ST7: variants seen among roughly 807,000 people sequenced by gnomAD.
ST7 encodes the protein suppression of tumorigenicity 7, also known as suppressor of tumorigenicity 7 protein.
ST7 carries 28 observed loss-of-function variants against 78.7 expected under a neutral mutation model. The observed-to-expected ratio is 0.36, with a 90% CI of 0.26 to 0.49. ST7 has a LOEUF of 0.49. Ranked by LOEUF, ST7 falls within the 20% of genes least tolerant of loss-of-function variation. ST7 has a pLI of 0.99. For synonymous variants in ST7, 247 were observed against 249.6 expected, an observed-to-expected ratio of 0.99 and a Z score of 0.10; for missense variants, 418 against 696.0, an observed-to-expected ratio of 0.60 and a Z score of 4.49.
intron 1 of ST7, chr7:117,020,687 C>T (rs1584464834): frequency 1.3e-6 from 2 of 1,548,482 alleles, no homozygotes; most frequent in East Asian, 4.9e-5. Context: ...GTCATGGTTT[C>T]ATTGGCTTAG....
At chr7:117,116,848 T>C (rs964148124) in intron 2 of ST7, among the ~76,000 whole-genome samples, 1 of 152,218 alleles carries the variant, frequency 6.6e-6, no homozygotes, top group Non-Finnish European at 1.5e-5. Context: ...ACAAAGCAAA[T>C]GTCCAGTTAA....
intron 9 of ST7, among the ~76,000 whole-genome samples, chr7:117,154,240 T>G (rs1358200934): frequency 1.3e-5 from 2 of 152,130 alleles, no homozygotes; most frequent in Non-Finnish European, 2.9e-5. Context: ...GTTTGTGCCA[T>G]GTAAGGATAC....
chr7:117,064,204 A>G (rs1240897127), intron 1 of ST7, among the ~76,000 whole-genome samples: 1 of 152,102 alleles, frequency 6.6e-6, no homozygotes, highest in Non-Finnish European at 1.5e-5. Context: ...TTTCTTTTAT[A>G]TTATCCTACT....
intron 9 of ST7, among the ~76,000 whole-genome samples, chr7:117,142,442 A>G (rs1805400349): frequency 1.3e-5 from 2 of 151,900 alleles, no homozygotes; most frequent in Non-Finnish European, 2.9e-5. Context: ...CACCTACTAG[A>G]TGCCAATTGC....
chr7:117,209,900 A>G lies in ST7; in HGVS notation c.1368A>G (p.Glu456=). The G allele has an allele frequency of 6.2e-7, 1 of 1,614,070 alleles. No homozygotes were observed. Among genetic ancestry groups the G allele is most frequent in the Non-Finnish European group, 8.5e-7 (1 of 1,179,980 alleles). Reference sequence around the variant, plus strand: ...ATCTTGCACACTGGAAGAGAGTGGAAGGGGCTTTGAATCTTTTGCATTGTA... The same window carrying G: ...ATCTTGCACACTGGAAGAGAGTGGAGGGGGCTTTGAATCTTTTGCATTGTA... ...FFHLAHWKRV[E]GALNLLHCTW... The change falls in exon 13 of 16, where the codon GAA becomes GAG. Residue 456 remains glutamate, a synonymous_variant. Transcript: ENST00000323984.
At chr7:117,134,383 C>G (rs1269201486) in intron 7 of ST7, among the ~76,000 whole-genome samples, 191 bp downstream of exon 7, 1 of 151,994 alleles carries the variant, frequency 6.6e-6, no homozygotes, top group Non-Finnish European at 1.5e-5. Flanking sequence ...ATTAGCACTT[C>G]TATTGCTCTC....
chr7:117,052,030 C>T (rs539120847), intron 1 of ST7, among the ~76,000 whole-genome samples: 40 of 152,316 alleles, frequency 2.6e-4, no homozygotes, highest in African/African-American at 9.6e-4. Context: ...TCTTTGAACA[C>T]AGTGCAGCCT....
chr7:117,151,280 C>T (rs1806228185), intron 9 of ST7, among the ~76,000 whole-genome samples: 1 of 152,204 alleles, frequency 6.6e-6, no homozygotes, highest in Non-Finnish European at 1.5e-5. Context: ...ATGATCTTGT[C>T]CCTGCCTACT....
At chr7:117,189,300 T>C (rs1809562866) in intron 10 of ST7, 21 bp from the exon 11 acceptor site, 1 of 1,589,186 alleles carries the variant, frequency 6.3e-7, no homozygotes, top group Non-Finnish European at 8.6e-7. Context: ...TATGTGTTCC[T>C]ACTTTCTTTT....
chr7:117,080,159 T>A (rs999191303), intron 1 of ST7, among the ~76,000 whole-genome samples: 2 of 151,696 alleles, frequency 1.3e-5, no homozygotes, highest in African/African-American at 4.8e-5. Context: ...TTTTTGTATT[T>A]TTAGTAGAGA....
At chr7:117,031,311 C>T (rs1163028134) in intron 1 of ST7, among the ~76,000 whole-genome samples, 1 of 151,106 alleles carries the variant, frequency 6.6e-6, no homozygotes, top group African/African-American at 2.4e-5. Context: ...CACGAGTTTA[C>T]CTATATAACA....
chr7:117,016,226 A>G (rs1468972096), intron 1 of ST7, among the ~76,000 whole-genome samples: 2 of 152,080 alleles, frequency 1.3e-5, no homozygotes, highest in African/African-American at 4.8e-5. Context: ...TCTTTTCCTC[A>G]TAAGATTAGC....
intron 15 of ST7, chr7:117,223,027 T>C: frequency 1.5e-6 from 2 of 1,367,386 alleles, no homozygotes; most frequent in Non-Finnish European, 2.1e-6. Context: ...CCTCCTCCTG[T>C]ATTCCTGACC....
chr7:117,035,423 A>G (rs1796835937), intron 1 of ST7, among the ~76,000 whole-genome samples: 1 of 152,160 alleles, frequency 6.6e-6, no homozygotes, highest in African/African-American at 2.4e-5. Flanking sequence ...AACATTTTCT[A>G]TTTTTAATTT....
chr7:117,084,131 A>G (rs1223152938), intron 1 of ST7, among the ~76,000 whole-genome samples: 3 of 152,226 alleles, frequency 2.0e-5, no homozygotes, highest in Non-Finnish European at 4.4e-5. Context: ...ATTCCTAGAA[A>G]AATGACCTAG....
At chr7:117,149,654 A>T (rs1806099701) in intron 9 of ST7, among the ~76,000 whole-genome samples, 1 of 84,788 alleles carries the variant, frequency 1.2e-5, no homozygotes, top group Non-Finnish European at 2.5e-5. Flanking sequence ...ATTTTATTCT[A>T]ATTTGGATGG....
At chr7:116,972,427 C>A in intron 1 of ST7, 1 of 723,238 alleles carries the variant, frequency 1.4e-6, no homozygotes. Flanking sequence ...GTCCATCAGT[C>A]TGATCTGCTC....
chr7:117,134,103 T>A (rs1804589865), intron 6 of ST7, 21 bp from the exon 7 acceptor site: 1 of 1,610,540 alleles, frequency 6.2e-7, no homozygotes, highest in African/African-American at 1.3e-5. Flanking sequence ...TTTTACCAAC[T>A]ATTTTTTTCT....
chr7:117,207,515 A>G (rs1791887080), intron 12 of ST7, among the ~76,000 whole-genome samples: 1 of 152,120 alleles, frequency 6.6e-6, no homozygotes, highest in Admixed American at 6.6e-5. Flanking sequence ...CCTATTCCTG[A>G]AGGTTCTTTA....
Sources: gnomAD v4.1 joint callset for allele counts (sites outside exome capture counted in the v4.1 genomes callset) on GRCh38, gnomAD v4.1.1 for gene constraint, MANE v1.5 for transcripts, NCBI Gene and HGNC (gene_info 2026-07-23, HGNC 2026-07-21) for gene names.